The following WWOX variants were observed in gnomAD, a reference collection of about 807,000 sequenced individuals.
WWOX encodes WW domain containing oxidoreductase.
In WWOX, 69 loss-of-function variants were observed where a neutral mutation model predicts 46.2. The ratio of observed to expected loss-of-function variants is 1.49; its 90% CI spans 1.23 to 1.82. WWOX has a LOEUF of 1.82. WWOX is among the 40% of genes most tolerant of loss of function. The pLI is 0.00. For missense variants in WWOX, 919 were observed against 542.6 expected, an observed-to-expected ratio of 1.69 and a Z score of -6.89; for synonymous variants, 359 against 202.6, an observed-to-expected ratio of 1.77 and a Z score of -6.56.
At chr16:79,024,527 A>G (rs961359541) in intron 8 of WWOX, among the ~76,000 whole-genome samples, 2 of 152,080 alleles carry the variant, frequency 1.3e-5, no homozygotes, top group East Asian at 1.9e-4. Context: ...TCCGCCTCCC[A>G]GGTTCACGCC....
chr16:78,478,446 G>T (rs1358067807), intron 8 of WWOX, among the ~76,000 whole-genome samples: 1 of 152,108 alleles, frequency 6.6e-6, no homozygotes, highest in Non-Finnish European at 1.5e-5. Context: ...TCAGACTCCG[G>T]AAAGAAAAAG....
chr16:78,828,438 AGT>A (rs2051722543), intron 8 of WWOX, among the ~76,000 whole-genome samples: 1 of 152,110 alleles, frequency 6.6e-6, no homozygotes, highest in African/African-American at 2.4e-5. Context: ...CGTCACCATC[AGT>A]GTTACTGTTC....
intron 8 of WWOX, among the ~76,000 whole-genome samples, chr16:78,978,665 G>T (rs2046619651): frequency 6.6e-6 from 1 of 152,210 alleles, no homozygotes; most frequent in South Asian, 2.1e-4. Flanking sequence ...TAAAGGGGAA[G>T]CAGGCACATC....
At chr16:78,928,004 G>A (rs559801687) in intron 8 of WWOX, among the ~76,000 whole-genome samples, 8 of 152,164 alleles carry the variant, frequency 5.3e-5, no homozygotes, top group African/African-American at 1.9e-4. Flanking sequence ...GTGTGTGCGT[G>A]TTATATGAAG....
At chr16:78,602,980 T>A (rs758156543) in intron 8 of WWOX, among the ~76,000 whole-genome samples, 5 of 152,258 alleles carry the variant, frequency 3.3e-5, no homozygotes, top group Non-Finnish European at 7.3e-5. Flanking sequence ...CATTCTGCGT[T>A]CTTAGATTCA....
chr16:79,011,484 T>TTTAC (rs2047308346), intron 8 of WWOX, among the ~76,000 whole-genome samples: 1 of 147,988 alleles, frequency 6.8e-6, no homozygotes, highest in Non-Finnish European at 1.5e-5. Context: ...TATTTATTTA[T>TTTAC]TTATTTATTT....
chr16:78,369,013 C>G (rs2081602702), intron 5 of WWOX, among the ~76,000 whole-genome samples: 1 of 152,038 alleles, frequency 6.6e-6, no homozygotes, highest in Admixed American at 6.5e-5. Flanking sequence ...TTATCTAATC[C>G]CCTTCCTTCC....
intron 8 of WWOX, among the ~76,000 whole-genome samples, chr16:78,850,655 T>G (rs773807420): frequency 2.6e-5 from 4 of 152,192 alleles, no homozygotes; most frequent in Admixed American, 2.0e-4. Flanking sequence ...TGAAGCTTTA[T>G]GTAATGACGA....
At chr16:78,504,461 C>G (rs1270495522) in intron 8 of WWOX, among the ~76,000 whole-genome samples, 2 of 152,174 alleles carry the variant, frequency 1.3e-5, no homozygotes, top group African/African-American at 2.4e-5. Flanking sequence ...AATCCTCATA[C>G]AAATTGTCCA....
chr16:78,433,291 C>T (rs1372885306), intron 8 of WWOX, among the ~76,000 whole-genome samples: 1 of 152,072 alleles, frequency 6.6e-6, no homozygotes, highest in African/African-American at 2.4e-5. Context: ...TTCCCAAAGA[C>T]AATTTTGGAT....
At chr16:78,150,814 C>T (rs2034378932) in intron 4 of WWOX, among the ~76,000 whole-genome samples, 1 of 152,210 alleles carries the variant, frequency 6.6e-6, no homozygotes, top group South Asian at 2.1e-4. Flanking sequence ...CAATTATTCA[C>T]AACTCTCTAA....
intron 8 of WWOX, among the ~76,000 whole-genome samples, chr16:79,018,948 G>A (rs2047472535): frequency 2.0e-5 from 3 of 151,626 alleles, no homozygotes; most frequent in Admixed American, 6.6e-5. Context: ...CTCAGGAGTT[G>A]GAGACAAGCC....
chr16:78,837,917 G>A (rs1037254153), intron 8 of WWOX, among the ~76,000 whole-genome samples: 1 of 152,164 alleles, frequency 6.6e-6, no homozygotes, highest in Non-Finnish European at 1.5e-5. Flanking sequence ...TGGAGTCCCA[G>A]GGACCTACCT....
At chr16:79,138,056 A>C (rs137992009) in intron 8 of WWOX, among the ~76,000 whole-genome samples, 65 of 152,308 alleles carry the variant, frequency 4.3e-4, no homozygotes, top group African/African-American at 1.5e-3. Context: ...GGTTCTTGTT[A>C]ATACTGTTCA....
intron 5 of WWOX, among the ~76,000 whole-genome samples, chr16:78,225,659 G>C (rs2037029685): frequency 6.6e-6 from 1 of 152,160 alleles, no homozygotes; most frequent in Non-Finnish European, 1.5e-5. Context: ...ATTTTCTCCA[G>C]ATGAGTAGTT....
chr16:78,829,046 C>T (rs900583306), intron 8 of WWOX, among the ~76,000 whole-genome samples: 1 of 152,038 alleles, frequency 6.6e-6, no homozygotes, highest in African/African-American at 2.4e-5. Flanking sequence ...AAATTCTAAA[C>T]ATCATAAGCA....
At chr16:78,835,340 G>C (rs970510803) in intron 8 of WWOX, among the ~76,000 whole-genome samples, 11 of 152,206 alleles carry the variant, frequency 7.2e-5, no homozygotes, top group African/African-American at 2.7e-4. Flanking sequence ...TATTCTAGTA[G>C]TAAATAGAGG....
At chr16:78,702,124 T>TATATATATATATATATA (rs777394763) in intron 8 of WWOX, among the ~76,000 whole-genome samples, 61 of 105,520 alleles carry the variant, frequency 5.8e-4, no homozygotes, top group African/African-American at 2.6e-3. Flanking sequence ...ATATATATAT[T>TATATATATATATATATA]TATTTATTTT....
chr16:78,321,101 T>TCTGGTA (rs2080457469), intron 5 of WWOX, among the ~76,000 whole-genome samples: 1 of 151,992 alleles, frequency 6.6e-6, no homozygotes, highest in Non-Finnish European at 1.5e-5. Flanking sequence ...CACCAGAGTG[T>TCTGGTA]CTTTTAAAGC....
Sources: gnomAD v4.1 joint callset for allele counts (sites outside exome capture counted in the v4.1 genomes callset) on GRCh38, gnomAD v4.1.1 for gene constraint, MANE v1.5 for transcripts, NCBI Gene and HGNC (gene_info 2026-07-23, HGNC 2026-07-21) for gene names.